RELN: variants seen among roughly 807,000 people sequenced by gnomAD.
RELN encodes the protein reelin.
Under a neutral mutation model 427.6 loss-of-function variants are expected in RELN, and 108 were observed. The ratio of observed to expected loss-of-function variants is 0.25; its 90% CI spans 0.22 to 0.30. RELN has a LOEUF of 0.30. Ranked by LOEUF, RELN falls within the 10% of genes least tolerant of loss-of-function variation. RELN has a pLI of 1.00. For synonymous variants in RELN, 1,524 were observed against 1,513.4 expected, an observed-to-expected ratio of 1.01 and a Z score of -0.16; for missense variants, 3,715 against 4,302.8, an observed-to-expected ratio of 0.86 and a Z score of 3.82.
intron 10 of RELN, among the ~76,000 whole-genome samples, chr7:103,683,525 T>C (rs1285709795): frequency 6.6e-6 from 1 of 152,186 alleles, no homozygotes; most frequent in Non-Finnish European, 1.5e-5. Flanking sequence ...AATATTATAA[T>C]GGAGCTGAAA....
At chr7:103,757,535 T>C (rs767041586) in intron 4 of RELN, among the ~76,000 whole-genome samples, 2 of 152,218 alleles carry the variant, frequency 1.3e-5, no homozygotes, top group Non-Finnish European at 2.9e-5. Context: ...GTCAAATGGC[T>C]TAAACTAGGG....
chr7:103,834,493 G>C (rs572851322), intron 2 of RELN, among the ~76,000 whole-genome samples: 4 of 152,128 alleles, frequency 2.6e-5, no homozygotes, highest in African/African-American at 9.7e-5. Flanking sequence ...GCCTAGCTGT[G>C]AACAGGTCAG....
chr7:103,747,103 G>A (rs938697860), intron 6 of RELN, among the ~76,000 whole-genome samples: 2 of 152,182 alleles, frequency 1.3e-5, no homozygotes, highest in African/African-American at 4.8e-5. Flanking sequence ...ATGAGTTCAT[G>A]TCCTTTGTAG....
At chr7:103,476,956 G>GGT (rs1165522139) in intron 64 of RELN, among the ~76,000 whole-genome samples, 1 of 152,144 alleles carries the variant, frequency 6.6e-6, no homozygotes, top group Non-Finnish European at 1.5e-5. Context: ...AATAAAAGGA[G>GGT]GTAATGTTCA....
intron 3 of RELN, among the ~76,000 whole-genome samples, chr7:103,791,662 C>A (rs977010158): frequency 6.6e-6 from 1 of 151,900 alleles, no homozygotes; most frequent in Non-Finnish European, 1.5e-5. Flanking sequence ...ATCTTCATGA[C>A]TTGATACTTG....
chr7:103,608,126 A>T lies in RELN; in HGVS notation c.3008+2569T>A, dbSNP rs1831862097. On this transcript the variant is annotated intron_variant, in intron 22 of 64. Transcript: ENST00000428762. Reference sequence around the variant, plus strand: ...AGAACAAAGATTTGGCCAAAAAAAGATTACTGCTACAAACTGCATTCCCTT... The same window carrying T: ...AGAACAAAGATTTGGCCAAAAAAAGTTTACTGCTACAAACTGCATTCCCTT... 2.0e-5 allele frequency among the ~76,000 whole-genome samples: 3 copies of T among 152,228 alleles called. No homozygotes were observed. The South Asian group carries it at 6.2e-4, about 31-fold the overall frequency.
intron 19 of RELN, 47 bp downstream of exon 19, chr7:103,635,378 A>G: frequency 6.3e-7 from 1 of 1,587,900 alleles, no homozygotes; most frequent in Non-Finnish European, 8.6e-7. Context: ...TTTCCCCAGG[A>G]GAAGATTTCA....
chr7:103,686,197 G>A (rs1185154178), intron 10 of RELN, among the ~76,000 whole-genome samples: 1 of 152,078 alleles, frequency 6.6e-6, no homozygotes, highest in Non-Finnish European at 1.5e-5. Flanking sequence ...GGTGGCAGAT[G>A]GAATGAAATC....
intron 2 of RELN, among the ~76,000 whole-genome samples, chr7:103,834,730 C>T (rs1793358292): frequency 6.6e-6 from 1 of 152,072 alleles, no homozygotes. Context: ...GGGAACTGCA[C>T]ATTGAAACAA....
At position 103,707,867 on chromosome 7, in the gene RELN, A is replaced by G. The variant is rs144331554; in HGVS notation, c.806-6861T>C. ...CAAAACAAACAAAAAAACTATTTCT[A>G]AAGTTACAATTTTACCATAAAGAAA... On this transcript the variant is annotated intron_variant, in intron 8 of 64. Transcript: ENST00000428762. Among the ~76,000 whole-genome samples the G allele has an allele frequency of 1.2e-3, 182 of 152,326 alleles. 1 individual carries two copies. Among genetic ancestry groups the G allele is most frequent in the African/African-American group, 4.2e-3 (175 of 41,584 alleles).
chr7:103,558,003 G>A lies in RELN; in HGVS notation c.5576C>T (p.Thr1859Ile). 3 of 1,498,360 alleles carry A rather than the reference G, an allele frequency of 2.0e-6. No individual in the cohort carries two copies. The highest frequency in any genetic ancestry group is 2.8e-6 in the Non-Finnish European group (3 of 1,074,874). 92.8% of individuals were successfully genotyped at this position (1,498,360 alleles called of 1,614,324 possible). Residue 1859 changes from threonine to isoleucine, a missense_variant, in exon 37 of 65, where the codon ACA (threonine) becomes ATA (isoleucine). By Grantham distance (89) the Thr-to-Ile change is moderately conservative. This residue lies in a region of RELN where 2,208 missense variants were observed against 2,361.7 expected (regional missense o/e 0.93). Coordinates refer to ENST00000428762, the MANE Select transcript of RELN (RefSeq NM_005045.4). Reference protein sequence around the residue: ...LISRDLDCTNTMYVQFSLRFI... With the variant: ...LISRDLDCTNIMYVQFSLRFI... ...TCTAAGTGAAAACTGGACATACATT[G>A]TATTTGTACAATCTAGATCTCTTGA...
At chr7:103,823,153 G>T (rs1729822759) in intron 3 of RELN, among the ~76,000 whole-genome samples, 2 of 151,904 alleles carry the variant, frequency 1.3e-5, no homozygotes, top group South Asian at 4.1e-4. Context: ...TATAGTAACA[G>T]TAGCTTACCT....
chr7:103,503,326 T>C (rs1378123087), intron 51 of RELN, 96 bp from the exon 52 acceptor site: 11 of 940,364 alleles, frequency 1.2e-5, no homozygotes, highest in Middle Eastern at 2.1e-4. Flanking sequence ...TCACTTGATA[T>C]ACACTGTACC....
intron 57 of RELN, among the ~76,000 whole-genome samples, chr7:103,495,413 T>C (rs1828809520): frequency 6.6e-6 from 1 of 151,782 alleles, no homozygotes; most frequent in Non-Finnish European, 1.5e-5. Flanking sequence ...CAAGTGATCC[T>C]CCTGCCCCAG....
intron 41 of RELN, among the ~76,000 whole-genome samples, chr7:103,548,276 G>T (rs774573091): frequency 6.6e-6 from 1 of 152,206 alleles, no homozygotes; most frequent in Non-Finnish European, 1.5e-5. Flanking sequence ...TACACTTTTT[G>T]TGTGTATTTC....
At chr7:103,984,663 G>C (rs578071595) in intron 1 of RELN, among the ~76,000 whole-genome samples, 1 of 152,200 alleles carries the variant, frequency 6.6e-6, no homozygotes, top group African/African-American at 2.4e-5. Context: ...AACAAATAGA[G>C]CAAAATGCTC....
intron 5 of RELN, among the ~76,000 whole-genome samples, chr7:103,752,893 G>T (rs2116083107): frequency 6.6e-6 from 1 of 152,070 alleles, no homozygotes; most frequent in African/African-American, 2.4e-5. Context: ...GGGACTCTGG[G>T]GAAAATTAAG....
rs918350971 is a variant in RELN at position 103,753,187 on chromosome 7, T to C, written c.572A>G (p.His191Arg). Reference protein sequence around the residue: ...GAPTDVTVHPHLAEIHSDSII... With the variant: ...GAPTDVTVHPRLAEIHSDSII... Reference sequence around the variant, plus strand: ...TCAGAGTCTTAAACACTTACCTAGATGTGGGTGCACAGTGACATCTGTTGG... The same window carrying C: ...TCAGAGTCTTAAACACTTACCTAGACGTGGGTGCACAGTGACATCTGTTGG... Residue 191 changes from histidine to arginine, a missense_variant, in exon 5 of 65, where the codon CAT becomes CGT. His to Arg is a conservative substitution (Grantham distance 29). Around this residue, in one of 4 missense-constraint regions of RELN, gnomAD observed 2,208 missense variants for 2,361.7 expected, o/e 0.93. Coordinates refer to ENST00000428762, the MANE Select transcript of RELN (RefSeq NM_005045.4). The C allele has an allele frequency of 1.2e-6, 2 of 1,613,946 alleles. No individual in the cohort carries two copies. The highest frequency in any genetic ancestry group is 1.7e-6 in the Non-Finnish European group (2 of 1,179,968).
chr7:103,692,809 G>A (rs142944205), intron 10 of RELN, among the ~76,000 whole-genome samples: 130 of 151,730 alleles, frequency 8.6e-4, no homozygotes, highest in African/African-American at 2.4e-3. Context: ...TCCCCACCCC[G>A]ACAAGTCCTG....
Sources: gnomAD v4.1 joint callset for allele counts (sites outside exome capture counted in the v4.1 genomes callset) on GRCh38, gnomAD v4.1.1 for gene constraint, gnomAD v4.1.1 regional missense constraint, MANE v1.5 for transcripts, NCBI Gene and HGNC (gene_info 2026-07-23, HGNC 2026-07-21) for gene names.